The following PUS7 variants were observed in gnomAD, a reference collection of about 807,000 sequenced individuals.
PUS7 encodes pseudouridylate synthase 7 homolog.
PUS7 carries 48 observed loss-of-function variants against 79.8 expected under a neutral mutation model. The observed-to-expected ratio is 0.60, with a 90% CI of 0.48 to 0.76. The LOEUF (loss-of-function observed/expected upper bound fraction) is 0.76. Ranked by LOEUF, PUS7 falls within the 30% of genes least tolerant of loss-of-function variation. The probability of loss-of-function intolerance (pLI) is 0.00; values close to 1 mark genes in which losing one functional copy is unlikely to be tolerated. For missense variants in PUS7, 729 were observed against 797.6 expected, an observed-to-expected ratio of 0.91 and a Z score of 1.04; for synonymous variants, 286 against 272.2, an observed-to-expected ratio of 1.05 and a Z score of -0.50.
intron 5 of PUS7, among the ~76,000 whole-genome samples, chr7:105,501,534 G>A (rs1241115362): frequency 2.0e-5 from 3 of 152,144 alleles, no homozygotes; most frequent in Non-Finnish European, 4.4e-5. Context: ...CACAACAAAA[G>A]ATGGGCTGAG....
At chr7:105,521,171 A>G (rs1231883961) in intron 1 of PUS7, among the ~76,000 whole-genome samples, 1 of 121,548 alleles carries the variant, frequency 8.2e-6, no homozygotes, top group Non-Finnish European at 2.0e-5. Flanking sequence ...ATCCCTCAAT[A>G]GTCGAGGCTC....
intron 1 of PUS7, among the ~76,000 whole-genome samples, chr7:105,510,832 T>TA (rs1283083387): frequency 6.6e-6 from 1 of 152,028 alleles, no homozygotes; most frequent in Non-Finnish European, 1.5e-5. Flanking sequence ...ATGCTCTTGG[T>TA]AAAATAAGGA....
intron 2 of PUS7, among the ~76,000 whole-genome samples, chr7:105,507,287 C>T (rs540379540): frequency 6.6e-6 from 1 of 152,204 alleles, no homozygotes; most frequent in Non-Finnish European, 1.5e-5. Flanking sequence ...CTCAAGTGAT[C>T]TGCCCGCCTT....
chr7:105,506,380 T>C (rs1475103715), intron 2 of PUS7, 107 bp from the exon 3 acceptor site: 7 of 792,800 alleles, frequency 8.8e-6, no homozygotes, highest in Non-Finnish European at 1.4e-5. Flanking sequence ...AAACAAGGAA[T>C]TTTAAAAAAT....
intron 5 of PUS7, among the ~76,000 whole-genome samples, chr7:105,501,167 T>C (rs558280534): frequency 2.0e-4 from 30 of 152,316 alleles, no homozygotes; most frequent in African/African-American, 7.2e-4. Context: ...TTATAAGCAA[T>C]TAAGGCTTCA....
chr7:105,506,153 T>A, intron 3 of PUS7, 36 bp downstream of exon 3: 1 of 1,295,116 alleles, frequency 7.7e-7, no homozygotes, highest in Non-Finnish European at 1.1e-6. Flanking sequence ...GCTATTTTTA[T>A]ACAGAAGGTG....
chr7:105,507,999 A>C, intron 2 of PUS7, 116 bp downstream of exon 2: 1 of 1,324,860 alleles, frequency 7.5e-7, no homozygotes, highest in Admixed American at 2.9e-5. Context: ...CCTTTTGATC[A>C]GTAGTATAAA....
At chr7:105,509,050 G>C (rs547549287) in intron 1 of PUS7, among the ~76,000 whole-genome samples, 1 of 149,190 alleles carries the variant, frequency 6.7e-6, no homozygotes, top group East Asian at 2.0e-4. Flanking sequence ...TGGGCGTGGT[G>C]GTAGGCGCCT....
Position 105,502,546 on chromosome 7 carries a change from C to G in PUS7, c.604G>C (p.Glu202Gln). The G allele has an allele frequency of 6.2e-7, 1 of 1,614,022 alleles. No homozygotes were observed. The change falls in exon 5 of 16, where the codon GAG becomes CAG. Residue 202 changes from glutamate (E) to glutamine (Q), a missense_variant. Transcript: ENST00000469408. ...GCCTGATGGATGATGGTTCTTTTCT[C>G]TTTGGTGTCCTCGATAACCTATTAA... ...VAIEVIEDTKEKRTIIHQAIK... is the reference protein window; with the variant it reads ...VAIEVIEDTKQKRTIIHQAIK...
In PUS7 at chr7:105,488,508, G is replaced by C. The variant is rs1216314003; in HGVS notation, c.920+3032C>G. Among the ~76,000 whole-genome samples, 3 of 152,166 alleles carry C rather than the reference G, an allele frequency of 2.0e-5. No homozygotes were observed. In the East Asian group the frequency reaches 5.8e-4, roughly 29 times the overall value. ...TTCCCTTTAAGTCAGTAATTTCACT[G>C]CTAAGTTTATCTTAATGAAGTTATC... On this transcript the variant is annotated intron_variant, in intron 7 of 15. Coordinates refer to ENST00000469408, the MANE Select transcript of PUS7 (RefSeq NM_019042.5).
At chr7:105,480,301 C>T (rs555096285) in intron 9 of PUS7, among the ~76,000 whole-genome samples, 6 of 150,514 alleles carry the variant, frequency 4.0e-5, no homozygotes, top group Admixed American at 1.3e-4. Context: ...GTGAAATTCC[C>T]GCCACTACTA....
intron 6 of PUS7, among the ~76,000 whole-genome samples, chr7:105,494,610 A>G (rs979139681): frequency 2.0e-5 from 3 of 151,604 alleles, no homozygotes; most frequent in Admixed American, 1.3e-4. Flanking sequence ...GGGTTTCACC[A>G]TGTTGGCCAA....
intron 7 of PUS7, among the ~76,000 whole-genome samples, chr7:105,486,703 C>A (rs1482769337): frequency 1.3e-5 from 2 of 151,960 alleles, no homozygotes; most frequent in South Asian, 4.1e-4. Context: ...CCTGATGGTG[C>A]CACAGAAGTG....
At chr7:105,500,774 C>T (rs1825215239) in intron 5 of PUS7, among the ~76,000 whole-genome samples, 1 of 152,222 alleles carries the variant, frequency 6.6e-6, no homozygotes, top group Non-Finnish European at 1.5e-5. Context: ...GAGAACTGAA[C>T]CAACAGTGGC....
At chr7:105,458,783 G>A (rs1339144243) in intron 15 of PUS7, among the ~76,000 whole-genome samples, 3 of 151,544 alleles carry the variant, frequency 2.0e-5, no homozygotes, top group East Asian at 1.9e-4. Flanking sequence ...CCGTGGTCTC[G>A]ATCTCCTGAC....
intron 6 of PUS7, among the ~76,000 whole-genome samples, chr7:105,494,402 ATTTTTTTTTTT>A (rs756519297): frequency 1.1e-4 from 10 of 87,800 alleles, no homozygotes; most frequent in South Asian, 5.2e-4. Context: ...ATGATCAGTG[ATTTTTTTTTTT>A]TTTTTTTTTT....
At chr7:105,482,277 C>T (rs757412484) in intron 8 of PUS7, 35 bp downstream of exon 8, 1 of 1,604,662 alleles carries the variant, frequency 6.2e-7, no homozygotes, top group South Asian at 1.1e-5. Flanking sequence ...CCTGGCCAGA[C>T]CCTCTGGTCT....
chr7:105,465,509 G>A, intron 12 of PUS7, 95 bp from the exon 13 acceptor site: 1 of 866,998 alleles, frequency 1.2e-6, no homozygotes, highest in Non-Finnish European at 1.8e-6. Context: ...CAAGTCAGAA[G>A]TACAAGTTGG....
At chr7:105,492,327 C>A (rs1405720633) in intron 6 of PUS7, among the ~76,000 whole-genome samples, 8 of 150,976 alleles carry the variant, frequency 5.3e-5, no homozygotes, top group Admixed American at 6.6e-5. Flanking sequence ...CCAAATAATT[C>A]TTCGCTTTTT....
Sources: allele counts gnomAD v4.1 joint callset (sites outside exome capture counted in the v4.1 genomes callset), GRCh38; gene constraint gnomAD v4.1.1; transcripts MANE v1.5; gene names NCBI Gene and HGNC (gene_info 2026-07-23, HGNC 2026-07-21).